The following CLNK variants were observed in gnomAD, a reference collection of about 807,000 sequenced individuals.
CLNK encodes the protein cytokine dependent hematopoietic cell linker, also known as cytokine-dependent hematopoietic cell linker.
A neutral mutation model predicts 68.6 loss-of-function variants in CLNK; 74 were observed. The observed-to-expected ratio is 1.08, with a 90% CI of 0.89 to 1.31. CLNK has a LOEUF of 1.31. Among genes scored for constraint, CLNK ranks in the 50% most tolerant of loss-of-function variants. The pLI, the probability that CLNK is intolerant of heterozygous loss-of-function variation, is 0.00. For missense variants in CLNK, 553 were observed against 515.3 expected (o/e 1.07, Z -0.71); for synonymous variants, 198 against 172.2 (o/e 1.15, Z -1.17).
chr4:10,593,715 G>T (rs545154217), intron 3 of CLNK, among the ~76,000 whole-genome samples: 1 of 152,308 alleles, frequency 6.6e-6, no homozygotes, highest in South Asian at 2.1e-4. Context: ...TCCAAAGGAT[G>T]ATGACTGGGC....
intron 2 of CLNK, among the ~76,000 whole-genome samples, chr4:10,664,061 G>A (rs1308399573): frequency 2.6e-5 from 4 of 152,242 alleles, no homozygotes; most frequent in Admixed American, 2.6e-4. Context: ...GAGCTATTTT[G>A]TTATAGCCAC....
chr4:10,625,321 G>T (rs536778932), intron 2 of CLNK, among the ~76,000 whole-genome samples: 102 of 152,178 alleles, frequency 6.7e-4, no homozygotes, highest in Non-Finnish European at 1.2e-3. Context: ...GCAGAGAGAG[G>T]GGGCAAACAT....
intron 16 of CLNK, among the ~76,000 whole-genome samples, chr4:10,508,859 A>G (rs1201512259): frequency 6.6e-6 from 1 of 152,108 alleles, no homozygotes; most frequent in East Asian, 1.9e-4. Context: ...CTGTAATCCC[A>G]GCACTTTGGG....
chr4:10,563,304 A>G (rs552126262), intron 7 of CLNK, among the ~76,000 whole-genome samples: 5 of 152,336 alleles, frequency 3.3e-5, no homozygotes, highest in African/African-American at 1.2e-4. Context: ...ACTAATAGCC[A>G]GTATTGGTGA....
chr4:10,608,540 C>T (rs770834474), intron 2 of CLNK, among the ~76,000 whole-genome samples: 3 of 152,232 alleles, frequency 2.0e-5, no homozygotes, highest in African/African-American at 7.2e-5. Context: ...CCCCCAGCTT[C>T]GTCTCGAACC....
chr4:10,645,274 A>G (rs1294269408), intron 2 of CLNK, among the ~76,000 whole-genome samples: 9 of 152,204 alleles, frequency 5.9e-5, no homozygotes, highest in Admixed American at 5.9e-4. Flanking sequence ...ATGAATAATG[A>G]TGGACAGAGG....
chr4:10,535,974 A>G (rs1490336778), intron 11 of CLNK, among the ~76,000 whole-genome samples: 2 of 152,196 alleles, frequency 1.3e-5, no homozygotes, highest in Non-Finnish European at 1.5e-5. Flanking sequence ...TGAGTTGTCA[A>G]TGAATGACTG....
chr4:10,495,298 G>A (rs1421663346), intron 18 of CLNK, among the ~76,000 whole-genome samples: 1 of 152,200 alleles, frequency 6.6e-6, no homozygotes, highest in African/African-American at 2.4e-5. Context: ...GAGATGCAGG[G>A]CTGATGTTTG....
At chr4:10,622,232 A>G (rs749571707) in intron 2 of CLNK, among the ~76,000 whole-genome samples, 4 of 152,156 alleles carry the variant, frequency 2.6e-5, no homozygotes, top group Non-Finnish European at 5.9e-5. Flanking sequence ...AGTTATAATG[A>G]TATTATTCCC....
the CLNK span, among the ~76,000 whole-genome samples, chr4:10,726,134 A>G: frequency 6.6e-6 from 1 of 152,042 alleles, no homozygotes; most frequent in African/African-American, 2.4e-5. Context: ...TTCTGCTAGC[A>G]TCACCCTAGA....
Position 10,501,424 on chromosome 4 carries a change from G to C in CLNK, c.985-13C>G, listed in dbSNP as rs760361743. 1.9e-6 allele frequency: 3 copies of C among 1,604,532 alleles called. No homozygotes were observed. Among genetic ancestry groups the C allele is most frequent in the Non-Finnish European group, 2.5e-6 (3 of 1,176,932 alleles). ...AGAAACTACCATCCTGAAGCAAAAA[G>C]AGTAACAGTCATCTTTTCAGACACG... On this transcript the variant is annotated splice_polypyrimidine_tract_variant and intron_variant, in intron 17 of 18. Coordinates refer to ENST00000226951, the MANE Select transcript of CLNK (RefSeq NM_052964.4).
intron 8 of CLNK, among the ~76,000 whole-genome samples, chr4:10,543,423 A>ATCCTTTGCTTTCC (rs1227070852): frequency 1.3e-5 from 2 of 152,324 alleles, no homozygotes; most frequent in African/African-American, 4.8e-5. Context: ...CACACTGAGC[A>ATCCTTTGCTTTCC]TCCTTTGCTT....
chr4:10,548,160 G>GT lies in CLNK; in HGVS notation c.446-5881dup, dbSNP rs202007946. ...TTCTTGCCAACACTTGCCATCTTTT[G>GT]TTTTTTGTGTGTGTTTTTTAAGTAA... On this transcript the variant is annotated intron_variant, in intron 8 of 18. Coordinates refer to ENST00000226951, the MANE Select transcript of CLNK (RefSeq NM_052964.4). Among the ~76,000 whole-genome samples the GT allele has an allele frequency of 7.2e-4, 110 of 152,222 alleles. No individual in the cohort carries two copies. The East Asian group carries it at 0.015, about 21-fold the overall frequency.
intron 2 of CLNK, among the ~76,000 whole-genome samples, chr4:10,658,986 T>C (rs2108887465): frequency 6.6e-6 from 1 of 152,290 alleles, no homozygotes; most frequent in Admixed American, 6.5e-5. Context: ...GTGGATTACC[T>C]GAGGTCAGGA....
At chr4:10,501,511 G>T in intron 17 of CLNK, 100 bp from the exon 18 acceptor site, 1 of 1,258,700 alleles carries the variant, frequency 7.9e-7, no homozygotes, top group Non-Finnish European at 1.1e-6. Context: ...ATTCCCAGAT[G>T]GATTTAGTTT....
rs1385888722 is a variant in CLNK at position 10,488,407 on chromosome 4, T to C, written c.*2060A>G. On this transcript the variant is annotated 3_prime_UTR_variant, in exon 19 of 19. Transcript: ENST00000226951. The stretch of plus-strand genomic sequence containing the variant: ...ATAGCTTTTTAGGGTGAGGGTCAGA[T>C]TCCTTCTTAATGTGAGCCTGGAGCT... The C allele has an allele frequency of 6.6e-6, 1 of 152,198 alleles. No individual in the cohort carries two copies. The highest frequency in any genetic ancestry group is 2.4e-5 in the African/African-American group (1 of 41,450). The allele number at this position is 152,198 out of a possible 1,614,324, so 9.4% of individuals were successfully genotyped here.
At chr4:10,528,165 G>A (rs1431185879) in intron 12 of CLNK, 71 bp from the exon 13 acceptor site, 1 of 712,694 alleles carries the variant, frequency 1.4e-6, no homozygotes, top group Non-Finnish European at 2.0e-6. Context: ...CACCATGTGT[G>A]TTTTTAGAGC....
chr4:10,701,629 C>G, the CLNK span, among the ~76,000 whole-genome samples: 1 of 152,172 alleles, frequency 6.6e-6, no homozygotes, highest in African/African-American at 2.4e-5. Flanking sequence ...CTAAGAAACA[C>G]TTAAACAGTG....
At chr4:10,728,745 C>G in the CLNK span, among the ~76,000 whole-genome samples, 3 of 151,796 alleles carry the variant, frequency 2.0e-5, no homozygotes, top group African/African-American at 7.3e-5. Flanking sequence ...CCTGCCACCA[C>G]GCCTGGCTAA....
Sources: gnomAD v4.1 joint callset for allele counts (sites outside exome capture counted in the v4.1 genomes callset) on GRCh38, gnomAD v4.1.1 for gene constraint, MANE v1.5 for transcripts, NCBI Gene and HGNC (gene_info 2026-07-23, HGNC 2026-07-21) for gene names.